The following DGKI variants were observed in gnomAD, a reference collection of about 807,000 sequenced individuals.
DGKI encodes diacylglycerol kinase iota, also known as DAG kinase iota.
DGKI carries 55 observed loss-of-function variants against 147.5 expected under a neutral mutation model. That is an observed-to-expected ratio of 0.37 (90% confidence interval 0.30 to 0.47). The LOEUF is 0.47. Ranked by LOEUF, DGKI falls within the 20% of genes least tolerant of loss-of-function variation. The pLI, the probability that DGKI is intolerant of heterozygous loss-of-function variation, is 1.00. For synonymous variants in DGKI, 469 were observed against 477.1 expected, an observed-to-expected ratio of 0.98 and a Z score of 0.22; for missense variants, 1,007 against 1,323.8, an observed-to-expected ratio of 0.76 and a Z score of 3.71.
At chr7:137,660,208 T>A (rs1271720756) in intron 3 of DGKI, among the ~76,000 whole-genome samples, 2 of 152,096 alleles carry the variant, frequency 1.3e-5, no homozygotes, top group Admixed American at 1.3e-4. Flanking sequence ...TATTTGTAGG[T>A]GTGTGGTACG....
intron 3 of DGKI, among the ~76,000 whole-genome samples, chr7:137,657,527 T>C (rs1454766500): frequency 1.3e-5 from 2 of 152,174 alleles, no homozygotes; most frequent in Non-Finnish European, 2.9e-5. Context: ...GGATCTAAGA[T>C]AGGAAAGTTC....
chr7:137,714,174 C>T lies in DGKI; in HGVS notation c.402-24172G>A, dbSNP rs530274912. 2.8e-3 allele frequency among the ~76,000 whole-genome samples: 420 copies of T among 151,942 alleles called. 1 individual carries two copies. Among genetic ancestry groups the T allele is most frequent in the Non-Finnish European group, 4.8e-3 (326 of 67,934 alleles). ...TATTTGCTATTATCAATATTGATTC[C>T]TTTTTCCAGTTTTAAAATAATTATC... On this transcript the variant is annotated intron_variant, in intron 1 of 32. Coordinates refer to ENST00000614521, the MANE Select transcript of DGKI (RefSeq NM_001321708.2).
At chr7:137,551,634 T>G (rs1410350046) in intron 20 of DGKI, among the ~76,000 whole-genome samples, 1 of 152,214 alleles carries the variant, frequency 6.6e-6, no homozygotes, top group Non-Finnish European at 1.5e-5. Context: ...CCACAGACAC[T>G]TAATCACTAG....
At chr7:137,750,958 A>T (rs773621146) in intron 1 of DGKI, among the ~76,000 whole-genome samples, 10 of 152,106 alleles carry the variant, frequency 6.6e-5, no homozygotes, top group Non-Finnish European at 1.0e-4. Context: ...ATACAACTAG[A>T]TCTCTCGGCC....
chr7:137,427,785 C>A (rs553832354), intron 28 of DGKI, among the ~76,000 whole-genome samples: 59 of 152,286 alleles, frequency 3.9e-4, no homozygotes, highest in East Asian at 7.7e-4. Context: ...CTACGCAAAT[C>A]AACTAGAATA....
intron 27 of DGKI, among the ~76,000 whole-genome samples, chr7:137,455,638 AAG>A (rs1491530654): frequency 1.8e-4 from 3 of 17,048 alleles, no homozygotes; most frequent in Non-Finnish European, 4.7e-4. Flanking sequence ...TTAAAAAAAA[AAG>A]GGGGGGGGGC....
chr7:137,556,934 A>G (rs1818243558), intron 19 of DGKI, among the ~76,000 whole-genome samples: 1 of 152,160 alleles, frequency 6.6e-6, no homozygotes, highest in Non-Finnish European at 1.5e-5. Context: ...GTAGACTTTG[A>G]GTAAAGCAAA....
intron 28 of DGKI, among the ~76,000 whole-genome samples, chr7:137,435,727 G>T (rs1813255114): frequency 6.6e-6 from 1 of 152,130 alleles, no homozygotes; most frequent in African/African-American, 2.4e-5. Flanking sequence ...AGTACAGTAG[G>T]CTCTACCTAG....
rs559937969 is a variant in DGKI, at chr7:137,572,923, A to G, written c.1762-85T>C. ...AAGATAACTAGTTTGACAATAGTAC[A>G]CACCATGGTCTCTTTCTCCTTGCCC... On this transcript the variant is annotated intron_variant, in intron 17 of 32. Transcript: ENST00000614521. 125 of 906,034 alleles carry G rather than the reference A, an allele frequency of 1.4e-4. 2 individuals carry two copies. The South Asian group carries it at 2.0e-3, about 15-fold the overall frequency. The allele number at this position is 906,034 out of a possible 1,614,324, so 56.1% of individuals were successfully genotyped here. A position where few individuals can be genotyped will look rare whatever the true frequency, so the allele number is the denominator to read the frequency against.
At chr7:137,826,493 A>G (rs1798062018) in intron 1 of DGKI, among the ~76,000 whole-genome samples, 1 of 152,180 alleles carries the variant, frequency 6.6e-6, no homozygotes, top group South Asian at 2.1e-4. Flanking sequence ...ATTTCTATTA[A>G]CTGGTCCAGC....
chr7:137,626,314 G>A (rs1820938019), intron 6 of DGKI, among the ~76,000 whole-genome samples: 2 of 142,298 alleles, frequency 1.4e-5, no homozygotes, highest in Admixed American at 1.4e-4. Context: ...AAGAAAAAAA[G>A]TGCTTCTGAC....
In DGKI at chr7:137,386,872, A is replaced by T. The variant is rs938234720; in HGVS notation, c.*4348T>A. 5 of 152,168 alleles carry T rather than the reference A, an allele frequency of 3.3e-5. No individual in the cohort carries two copies. The highest frequency in any genetic ancestry group is 1.2e-4 in the African/African-American group (5 of 41,444). 9.4% of individuals were successfully genotyped at this position (152,168 alleles called of 1,614,324 possible). A position where few individuals can be genotyped will look rare whatever the true frequency, so the allele number is the denominator to read the frequency against. On this transcript the variant is annotated 3_prime_UTR_variant, in exon 33 of 33. Coordinates refer to ENST00000614521, the MANE Select transcript of DGKI (RefSeq NM_001321708.2). The stretch of plus-strand genomic sequence containing the variant: ...AATAAGTGTTAAAGATTAATCAGAA[A>T]GCTAATTTATTAGATGTTTTTCTAC...
At chr7:137,490,511 G>T (rs1815725528) in intron 21 of DGKI, among the ~76,000 whole-genome samples, 1 of 152,172 alleles carries the variant, frequency 6.6e-6, no homozygotes, top group Non-Finnish European at 1.5e-5. Context: ...TTAGCTAGCA[G>T]TAGTTTCGTA....
At chr7:137,795,007 T>C (rs1796979453) in intron 1 of DGKI, among the ~76,000 whole-genome samples, 1 of 152,188 alleles carries the variant, frequency 6.6e-6, no homozygotes, top group Non-Finnish European at 1.5e-5. Context: ...CCTAGTCTGA[T>C]ATTTGTGTCT....
intron 17 of DGKI, among the ~76,000 whole-genome samples, chr7:137,574,156 C>T (rs1818889299): frequency 6.6e-6 from 1 of 152,074 alleles, no homozygotes; most frequent in Admixed American, 6.5e-5. Flanking sequence ...TTTTTTTTCC[C>T]AGTCGATCTC....
At chr7:137,574,591 G>A (rs553559499) in intron 17 of DGKI, among the ~76,000 whole-genome samples, 16 of 152,094 alleles carry the variant, frequency 1.1e-4, no homozygotes, top group Non-Finnish European at 1.9e-4. Flanking sequence ...CAAATCATAC[G>A]AAAATGTGGG....
chr7:137,797,251 C>T (rs1016419798), intron 1 of DGKI, among the ~76,000 whole-genome samples: 1 of 152,142 alleles, frequency 6.6e-6, no homozygotes, highest in African/African-American at 2.4e-5. Flanking sequence ...GATAATCAAA[C>T]ACTGAGAGAA....
At chr7:137,526,194 T>C (rs1281433048) in intron 20 of DGKI, among the ~76,000 whole-genome samples, 2 of 152,062 alleles carry the variant, frequency 1.3e-5, no homozygotes, top group Non-Finnish European at 2.9e-5. Flanking sequence ...GGGAAGTTAG[T>C]AGAGCAAAGA....
At chr7:137,417,808 T>C (rs1336652966) in intron 28 of DGKI, among the ~76,000 whole-genome samples, 8 of 152,224 alleles carry the variant, frequency 5.3e-5, no homozygotes, top group African/African-American at 1.7e-4. Flanking sequence ...TTTTCCACCA[T>C]GTGAGGACAC....
Sources: gnomAD v4.1 joint callset for allele counts (sites outside exome capture counted in the v4.1 genomes callset) on GRCh38, gnomAD v4.1.1 for gene constraint, MANE v1.5 for transcripts, NCBI Gene and HGNC (gene_info 2026-07-23, HGNC 2026-07-21) for gene names.